The following NAA25 variants were observed in gnomAD, a reference collection of about 807,000 sequenced individuals.
NAA25 encodes N-terminal acetyltransferase B complex subunit NAA25.
A neutral mutation model predicts 132.5 loss-of-function variants in NAA25; 30 were observed. The observed-to-expected ratio is 0.23, with a 90% CI of 0.17 to 0.31. NAA25 has a LOEUF of 0.31. Ranked by LOEUF, NAA25 falls within the 10% of genes least tolerant of loss-of-function variation. The pLI is 1.00. For missense variants in NAA25, 771 were observed against 1,150.4 expected, an observed-to-expected ratio of 0.67 and a Z score of 4.77; for synonymous variants, 359 against 401.9, an observed-to-expected ratio of 0.89 and a Z score of 1.28.
intron 21 of NAA25, chr12:112,040,212 A>G (rs1304013929): frequency 3.5e-5 from 10 of 286,980 alleles, no homozygotes; most frequent in Non-Finnish European, 1.9e-5. Flanking sequence ...GAATGAAAAC[A>G]GCTAGATTTG....
rs1304627119 is a variant in NAA25 at position 112,043,569 on chromosome 12, A to G, written c.2250+56T>C. ...CACCCACCCCAAACTCCTGTTTATA[A>G]AACAGTCATAAATATAATTATTGCA... is the stretch of plus-strand genomic sequence containing the variant. On this transcript the variant is annotated intron_variant, in intron 18 of 23. Coordinates refer to ENST00000261745, the MANE Select transcript of NAA25 (RefSeq NM_024953.4). 3 of 1,590,226 alleles carry G rather than the reference A, an allele frequency of 1.9e-6. No individual in the cohort carries two copies. The East Asian group carries it at 6.7e-5, about 36-fold the overall frequency.
chr12:112,086,124 T>A (rs1420935321), intron 4 of NAA25, among the ~76,000 whole-genome samples: 3 of 137,036 alleles, frequency 2.2e-5, no homozygotes, highest in African/African-American at 8.2e-5. Flanking sequence ...TTTACATTTT[T>A]AAAAATTATA....
intron 3 of NAA25, among the ~76,000 whole-genome samples, chr12:112,089,734 C>CT (rs1313243791): frequency 6.6e-6 from 1 of 151,982 alleles, no homozygotes; most frequent in Admixed American, 6.5e-5. Flanking sequence ...TGGCTCACGG[C>CT]TGTAATCCCA....
chr12:112,092,256 A>AAG (rs2079142824), intron 2 of NAA25, among the ~76,000 whole-genome samples: 1 of 151,304 alleles, frequency 6.6e-6, no homozygotes, highest in Non-Finnish European at 1.5e-5. Flanking sequence ...AGAAAAAAAA[A>AAG]ACGAAAAAAG....
chr12:112,053,432 C>T, intron 15 of NAA25, 126 bp downstream of exon 15: 1 of 698,946 alleles, frequency 1.4e-6, no homozygotes, highest in Non-Finnish European at 2.5e-6. Flanking sequence ...AAGCTTTGGT[C>T]TAAGGGCACT....
intron 22 of NAA25, chr12:112,034,019 A>G (rs1392654084): frequency 3.9e-5 from 6 of 152,202 alleles, no homozygotes; most frequent in African/African-American, 1.4e-4. Flanking sequence ...TGGACAGTTC[A>G]ATATCAATAA....
At chr12:112,097,976 C>T (rs1244597062) in intron 1 of NAA25, among the ~76,000 whole-genome samples, 3 of 152,088 alleles carry the variant, frequency 2.0e-5, no homozygotes, top group Admixed American at 1.3e-4. Flanking sequence ...CAAAAATTAG[C>T]TGGGCTTGGT....
intron 18 of NAA25, 131 bp downstream of exon 18, chr12:112,043,494 T>C (rs922605266): frequency 2.8e-6 from 3 of 1,081,088 alleles, no homozygotes; most frequent in Non-Finnish European, 3.9e-6. Flanking sequence ...AAAATATTCC[T>C]CTTTCTCCTG....
intron 1 of NAA25, among the ~76,000 whole-genome samples, chr12:112,096,332 C>G (rs1701393350): frequency 6.6e-6 from 1 of 152,160 alleles, no homozygotes; most frequent in Non-Finnish European, 1.5e-5. Flanking sequence ...ATCAAAGTTC[C>G]CTATCAGCAA....
intron 4 of NAA25, among the ~76,000 whole-genome samples, chr12:112,083,946 T>C (rs933491309): frequency 6.6e-6 from 1 of 152,190 alleles, no homozygotes; most frequent in African/African-American, 2.4e-5. Flanking sequence ...GAAAACATTT[T>C]TACAATGACA....
intron 23 of NAA25, among the ~76,000 whole-genome samples, chr12:112,030,980 A>ACTCCTG (rs1384556031): frequency 6.6e-6 from 1 of 152,024 alleles, no homozygotes; most frequent in African/African-American, 2.4e-5. Flanking sequence ...GGACTCACTA[A>ACTCCTG]GTGACCCAGG....
chr12:112,078,169 G>T lies in NAA25; in HGVS notation c.664+19C>A. ...AAATAGGAAAAAAAAAAAGCTTTAA[G>T]AAAATGTTTAAAAATTACCTCCTAA... On this transcript the variant is annotated intron_variant, in intron 7 of 23. Coordinates refer to ENST00000261745, the MANE Select transcript of NAA25 (RefSeq NM_024953.4). The T allele has an allele frequency of 4.0e-6, 6 of 1,515,556 alleles. No individual in the cohort carries two copies. Among genetic ancestry groups the T allele is most frequent in the African/African-American group, 1.4e-5 (1 of 70,414 alleles). The allele number at this position is 1,515,556 out of a possible 1,614,324, so 93.9% of individuals were successfully genotyped here. A position where few individuals can be genotyped will look rare whatever the true frequency, so the allele number is the denominator to read the frequency against.
chr12:112,067,498 C>T (rs1469825873), intron 11 of NAA25, among the ~76,000 whole-genome samples: 1 of 152,088 alleles, frequency 6.6e-6, no homozygotes, highest in South Asian at 2.1e-4. Context: ...CACTTGAGGT[C>T]GGGAGTTCGA....
At chr12:112,044,412 T>C (rs1266598240) in intron 17 of NAA25, among the ~76,000 whole-genome samples, 3 of 151,972 alleles carry the variant, frequency 2.0e-5, no homozygotes, top group African/African-American at 7.2e-5. Context: ...GCCTCACACC[T>C]GTTATCCCAG....
intron 1 of NAA25, among the ~76,000 whole-genome samples, chr12:112,100,029 T>C (rs2079270016): frequency 1.3e-5 from 2 of 152,224 alleles, no homozygotes; most frequent in African/African-American, 4.8e-5. Flanking sequence ...GCTTTTACCA[T>C]GAATACAAAT....
chr12:112,038,735 T>C (rs1265057074), intron 22 of NAA25, among the ~76,000 whole-genome samples: 1 of 152,096 alleles, frequency 6.6e-6, no homozygotes, highest in Non-Finnish European at 1.5e-5. Context: ...ATCTCAGCAC[T>C]TTGGGAGGCC....
At chr12:112,061,053 G>T (rs1175195162) in intron 12 of NAA25, 128 bp downstream of exon 12, 8 of 682,642 alleles carry the variant, frequency 1.2e-5, no homozygotes, top group Non-Finnish European at 2.0e-5. Flanking sequence ...TTACTTAGAT[G>T]GTCTTCCCAG....
chr12:112,061,094 A>T lies in NAA25; in HGVS notation c.1357+87T>A. 7 of 1,025,840 alleles carry T rather than the reference A, an allele frequency of 6.8e-6. No homozygotes were observed. In the South Asian group the frequency reaches 8.8e-5, roughly 13 times the overall value. 63.5% of individuals were successfully genotyped at this position (1,025,840 alleles called of 1,614,324 possible). Reference sequence around the variant, plus strand: ...ATAGTCTCCTTACAAAACTCATTAAAACAGGGTGCTACAGGTGCTTAAAAA... The same window carrying T: ...ATAGTCTCCTTACAAAACTCATTAATACAGGGTGCTACAGGTGCTTAAAAA... On this transcript the variant is annotated intron_variant, in intron 12 of 23. Transcript: ENST00000261745.
chr12:112,050,665 C>A (rs955410048), intron 15 of NAA25, among the ~76,000 whole-genome samples: 3 of 151,872 alleles, frequency 2.0e-5, no homozygotes, highest in Non-Finnish European at 4.4e-5. Flanking sequence ...ATTACAGGCG[C>A]TCGCCAACAC....
Sources: allele counts gnomAD v4.1 joint callset (sites outside exome capture counted in the v4.1 genomes callset), GRCh38; gene constraint gnomAD v4.1.1; transcripts MANE v1.5; gene names NCBI Gene and HGNC (gene_info 2026-07-23, HGNC 2026-07-21).